SPOCK3: variants seen among roughly 807,000 people sequenced by gnomAD.
The protein encoded by SPOCK3 is SPARC (osteonectin), cwcv and kazal like domains proteoglycan 3.
In SPOCK3, 30 loss-of-function variants were observed where a neutral mutation model predicts 56.6. The ratio of observed to expected loss-of-function variants is 0.53; its 90% CI spans 0.40 to 0.72. SPOCK3 has a LOEUF of 0.72. SPOCK3 is among the 30% of genes least tolerant of loss of function. SPOCK3 has a pLI of 0.00. For synonymous variants in SPOCK3, 196 were observed against 183.3 expected, an observed-to-expected ratio of 1.07 and a Z score of -0.56; for missense variants, 527 against 530.0, an observed-to-expected ratio of 0.99 and a Z score of 0.06.
At chr4:167,012,584 CATGATTTAAAAGCAG>C (rs2150147353) in intron 3 of SPOCK3, among the ~76,000 whole-genome samples, 1 of 152,036 alleles carries the variant, frequency 6.6e-6, no homozygotes, top group Admixed American at 6.6e-5. Context: ...GGACAGTTAT[CATGATTTAAAAGCAG>C]ATGAATAGTA....
intron 5 of SPOCK3, among the ~76,000 whole-genome samples, chr4:166,902,815 T>A (rs535601875): frequency 5.0e-4 from 75 of 151,210 alleles, no homozygotes; most frequent in African/African-American, 1.8e-3. Context: ...TTGGCTCTTT[T>A]AAAAGCTGAG....
intron 4 of SPOCK3, among the ~76,000 whole-genome samples, chr4:166,918,185 C>A (rs1003082717): frequency 2.6e-5 from 4 of 152,064 alleles, no homozygotes; most frequent in African/African-American, 7.2e-5. Flanking sequence ...TTGCTATTAG[C>A]TGACTGCAGT....
chr4:166,776,959 A>G (rs555818831), intron 7 of SPOCK3, among the ~76,000 whole-genome samples: 48 of 152,338 alleles, frequency 3.2e-4, no homozygotes, highest in Middle Eastern at 3.4e-3. Flanking sequence ...CAAAGACTGA[A>G]GGACATTGAG....
At chr4:167,144,340 A>G (rs1763765645) in intron 2 of SPOCK3, among the ~76,000 whole-genome samples, 1 of 152,032 alleles carries the variant, frequency 6.6e-6, no homozygotes, top group African/African-American at 2.4e-5. Context: ...TCAATTACCC[A>G]AACATAAGAA....
chr4:166,923,270 C>A (rs1738707194), intron 4 of SPOCK3, among the ~76,000 whole-genome samples: 1 of 152,196 alleles, frequency 6.6e-6, no homozygotes. Context: ...TTAGGTCTCA[C>A]CCTGATAATC....
At chr4:166,870,819 C>T (rs1732385776) in intron 6 of SPOCK3, among the ~76,000 whole-genome samples, 1 of 152,008 alleles carries the variant, frequency 6.6e-6, no homozygotes, top group South Asian at 2.1e-4. Context: ...CCCCATAATT[C>T]CCACATGTCG....
intron 2 of SPOCK3, among the ~76,000 whole-genome samples, chr4:167,204,234 G>A (rs1330830589): frequency 6.6e-6 from 1 of 151,972 alleles, no homozygotes; most frequent in East Asian, 1.9e-4. Context: ...ATAAACCACT[G>A]GATAGAAACT....
At chr4:166,913,529 T>G (rs1737505978) in intron 4 of SPOCK3, among the ~76,000 whole-genome samples, 1 of 152,230 alleles carries the variant, frequency 6.6e-6, no homozygotes, top group African/African-American at 2.4e-5. Context: ...AATATTCATT[T>G]ATTACAACTG....
At position 166,917,099 on chromosome 4, in the gene SPOCK3, C is replaced by T. The variant is rs530970251; in HGVS notation, c.351-4356G>A. 7.2e-5 allele frequency among the ~76,000 whole-genome samples: 11 copies of T among 152,072 alleles called. No homozygotes were observed. The East Asian group carries it at 9.7e-4, about 13-fold the overall frequency. On this transcript the variant is annotated intron_variant, in intron 4 of 10. Transcript: ENST00000357545. ...ATGAATGAAAGGAAATAAAATGTGG[C>T]GTGGTTGTGTTAAAAGAGGCACAGT...
In SPOCK3 at chr4:166,951,217, C is replaced by A. The variant is rs1301035194; in HGVS notation, c.351-38474G>T. 4.2e-5 allele frequency among the ~76,000 whole-genome samples: 6 copies of A among 142,328 alleles called. 2 individuals are homozygous for A. Among genetic ancestry groups the A allele is most frequent in the African/African-American group, 1.7e-4 (6 of 34,504 alleles). The allele number at this position is 142,328 out of a possible 152,430, so 93.4% of individuals were successfully genotyped here. On this transcript the variant is annotated intron_variant, in intron 4 of 10. Coordinates refer to ENST00000357545, the MANE Select transcript of SPOCK3 (RefSeq NM_001040159.2). Reference sequence around the variant, plus strand: ...GACTAATAAAAAAAGAGAGAAGAATCAAATAGATGCAATAAAAAATGATAA... The same window carrying A: ...GACTAATAAAAAAAGAGAGAAGAATAAAATAGATGCAATAAAAAATGATAA...
At chr4:166,962,383 A>G (rs1051286011) in intron 4 of SPOCK3, among the ~76,000 whole-genome samples, 1 of 152,134 alleles carries the variant, frequency 6.6e-6, no homozygotes, top group Non-Finnish European at 1.5e-5. Flanking sequence ...ATTGGGGCCC[A>G]GGGAACTTGT....
intron 6 of SPOCK3, among the ~76,000 whole-genome samples, chr4:166,831,756 TTG>T (rs199642587): frequency 0.16 from 21,878 of 138,478 alleles, 2,244 homozygotes; most frequent in South Asian, 0.26. Context: ...TTCTCCATTT[TTG>T]TTTTTTTTTT....
chr4:167,183,735 T>A (rs1731701710), intron 2 of SPOCK3, among the ~76,000 whole-genome samples: 1 of 152,126 alleles, frequency 6.6e-6, no homozygotes, highest in Non-Finnish European at 1.5e-5. Context: ...AAAAATAGAA[T>A]GAAGAGAAGC....
intron 4 of SPOCK3, among the ~76,000 whole-genome samples, chr4:166,934,837 G>A (rs1037765531): frequency 6.6e-6 from 1 of 151,060 alleles, no homozygotes; most frequent in Non-Finnish European, 1.5e-5. Flanking sequence ...TAAGTACTTT[G>A]AAGACAAACA....
At chr4:167,197,310 T>C (rs1006240674) in intron 2 of SPOCK3, among the ~76,000 whole-genome samples, 3 of 152,092 alleles carry the variant, frequency 2.0e-5, no homozygotes, top group East Asian at 3.9e-4. Context: ...TTCAATAATA[T>C]AGATTAAGGA....
chr4:166,747,206 G>A (rs36131889), intron 8 of SPOCK3, among the ~76,000 whole-genome samples: 120,002 of 151,896 alleles, frequency 0.79, 47,653 homozygotes, highest in South Asian at 0.82. Context: ...GGCCAACATC[G>A]CTGATGAACA....
chr4:167,233,187 T>C (rs533259361), intron 2 of SPOCK3, among the ~76,000 whole-genome samples: 1 of 152,214 alleles, frequency 6.6e-6, no homozygotes, highest in South Asian at 2.1e-4. Context: ...TCCATTCAGA[T>C]CAGGTGAGGA....
rs139493233 is a variant in SPOCK3, at chr4:167,145,901, G to A, written c.190-83364C>T. On this transcript the variant is annotated intron_variant, in intron 2 of 10. Coordinates refer to ENST00000357545, the MANE Select transcript of SPOCK3 (RefSeq NM_001040159.2). ...TAGATGCTATGAAGAAACTGCATCAGCTAATGGGCAAAATAATCAACTAGC... is the reference window on the plus strand; with the variant it reads ...TAGATGCTATGAAGAAACTGCATCAACTAATGGGCAAAATAATCAACTAGC... Among the ~76,000 whole-genome samples the A allele has an allele frequency of 4.8e-3, 737 of 152,162 alleles. 7 individuals are homozygous for A. The highest frequency in any genetic ancestry group is 0.017 in the African/African-American group (693 of 41,530).
chr4:166,748,030 G>A (rs1735876636), intron 8 of SPOCK3, among the ~76,000 whole-genome samples: 1 of 152,100 alleles, frequency 6.6e-6, no homozygotes, highest in South Asian at 2.1e-4. Context: ...TGGATAGGAA[G>A]AATCAATACC....
Sources: allele counts gnomAD v4.1 joint callset (sites outside exome capture counted in the v4.1 genomes callset), GRCh38; gene constraint gnomAD v4.1.1; transcripts MANE v1.5; gene names NCBI Gene and HGNC (gene_info 2026-07-23, HGNC 2026-07-21).